The following C16orf46 variants were observed in gnomAD, a reference collection of about 807,000 sequenced individuals.
C16orf46 encodes chromosome 16 open reading frame 46, also known as uncharacterized protein C16orf46.
In C16orf46, 7 loss-of-function variants were observed where a neutral mutation model predicts 5.5. The ratio of observed to expected loss-of-function variants is 1.28; its 90% CI spans 0.73 to 2.40. The LOEUF is 2.40. C16orf46 is among the 30% of genes most tolerant of loss of function. C16orf46 has a pLI of 0.00. For missense variants in C16orf46, 614 were observed against 476.0 expected, an observed-to-expected ratio of 1.29 and a Z score of -2.70; for synonymous variants, 200 against 184.1, an observed-to-expected ratio of 1.09 and a Z score of -0.70.
At chr16:81,059,003 T>A (rs1012830709), downstream of C16orf46, among the ~76,000 whole-genome samples, 1 of 152,174 alleles carries the variant, frequency 6.6e-6, no homozygotes, top group Non-Finnish European at 1.5e-5. Context: ...CTGATTCCCA[T>A]GCATACATGC....
chr16:81,072,534 G>A (rs1406159163), intron 1 of C16orf46, among the ~76,000 whole-genome samples: 3 of 151,848 alleles, frequency 2.0e-5, no homozygotes, highest in African/African-American at 2.4e-5. Flanking sequence ...ATAGGCATGC[G>A]CCATCATGCC....
At chr16:81,076,746 A>T (rs12444137) in intron 1 of C16orf46, 11,371 of 149,754 alleles carry the variant, frequency 0.076, 486 homozygotes, top group East Asian at 0.2. Context: ...TGCAGGCCAC[A>T]CCCCTTTCTC....
In C16orf46 at chr16:81,061,190, T is replaced by G. The variant is rs747862255; in HGVS notation, c.1159A>C (p.Ile387Leu). 3 of 1,613,180 alleles carry G rather than the reference T, an allele frequency of 1.9e-6. No homozygotes were observed. The South Asian group carries it at 3.3e-5, about 18-fold the overall frequency. Residue 387 changes from isoleucine to leucine, a missense_variant, in exon 4 of 4, where the codon ATT (isoleucine) becomes CTT (leucine). Coordinates refer to ENST00000299578, the MANE Select transcript of C16orf46 (RefSeq NM_152337.3). ...AGGATCCTGTGGGTAGAGACAGGAA[T>G]GATAACTCTGCTCACTGTGAGAGAC... ...LPSLTVSRVI[I>L]PVSTHRIL
At chr16:81,062,249 TTTTA>T in intron 3 of C16orf46, 111 bp from the exon 4 acceptor site, 1 of 913,512 alleles carries the variant, frequency 1.1e-6, no homozygotes, top group Admixed American at 2.9e-5. Flanking sequence ...ATATTCTTAT[TTTTA>T]TTTATTTTTT....
chr16:81,065,463 G>C (rs1597145144), intron 2 of C16orf46, among the ~76,000 whole-genome samples: 1 of 102,788 alleles, frequency 9.7e-6, no homozygotes, highest in Admixed American at 1.4e-4. Flanking sequence ...GACAGAGTAA[G>C]AATCCGTCTC....
chr16:81,075,878 C>G (rs917898988), intron 1 of C16orf46, among the ~76,000 whole-genome samples: 1 of 152,118 alleles, frequency 6.6e-6, no homozygotes, highest in Admixed American at 6.6e-5. Context: ...TTAAGTCAAA[C>G]GCAAGCTGTT....
At chr16:81,063,096 A>G (rs1482110177) in intron 3 of C16orf46, among the ~76,000 whole-genome samples, 1 of 151,862 alleles carries the variant, frequency 6.6e-6, no homozygotes, top group African/African-American at 2.4e-5. Flanking sequence ...AAATACAAAA[A>G]TTAGCTGGGC....
chr16:81,070,367 A>C (rs1391971993), intron 1 of C16orf46, among the ~76,000 whole-genome samples: 1 of 152,220 alleles, frequency 6.6e-6, no homozygotes, highest in African/African-American at 2.4e-5. Flanking sequence ...AATTAAGTGG[A>C]GAAATCACAC....
Position 81,061,618 on chromosome 16 carries a change from T to G in C16orf46, c.731A>C (p.Glu244Ala), listed in dbSNP as rs754567961. The part of the protein sequence containing the change: ...LQSEEKVLDV[E>A]KDGCVAYAYG... The stretch of plus-strand genomic sequence containing the variant: ...TGCATAAGCCACACACCCATCCTTT[T>G]CCACATCCAGCACCTTCTCTTCTGA... Residue 244 changes from glutamate to alanine, a missense_variant, in exon 4 of 4, where the codon GAA becomes GCA. Coordinates refer to ENST00000299578, the MANE Select transcript of C16orf46 (RefSeq NM_152337.3). 4.3e-6 allele frequency: 7 copies of G among 1,614,210 alleles called. No individual in the cohort carries two copies. Among genetic ancestry groups the G allele is most frequent in the Non-Finnish European group, 5.9e-6 (7 of 1,180,040 alleles).
chr16:81,074,588 T>A (rs1292705554), intron 1 of C16orf46, among the ~76,000 whole-genome samples: 1 of 152,144 alleles, frequency 6.6e-6, no homozygotes, highest in African/African-American at 2.4e-5. Context: ...TTTCACCATG[T>A]TGGCTAGGAT....
intron 1 of C16orf46, among the ~76,000 whole-genome samples, chr16:81,072,660 A>G (rs987933085): frequency 1.3e-5 from 2 of 151,726 alleles, no homozygotes; most frequent in African/African-American, 2.4e-5. Context: ...CTGGGATTAT[A>G]GGCGTGAGCC....
rs1366025817 is a variant in C16orf46 at position 81,063,870 on chromosome 16, T to C, written c.86A>G (p.Tyr29Cys). 1.2e-6 allele frequency: 2 copies of C among 1,613,558 alleles called. No individual in the cohort carries two copies. Among genetic ancestry groups the C allele is most frequent in the Admixed American group, 1.7e-5 (1 of 60,026 alleles). ...TTCACTTTTTCCATCTGGACAAGTA[T>C]AGGTTGGTTCTGTTTCTTCTGTGAA... ...IQFTEETEPTYTCPDGKSEKN... is the reference protein window; with the variant it reads ...IQFTEETEPTCTCPDGKSEKN... The change falls in exon 3 of 4, where the codon TAT becomes TGT. Residue 29 changes from tyrosine to cysteine, a missense_variant. Coordinates refer to ENST00000299578, the MANE Select transcript of C16orf46 (RefSeq NM_152337.3).
chr16:81,061,842 A>C lies in C16orf46; in HGVS notation c.507T>G (p.Ile169Met), dbSNP rs757854301. ...EKKSLQIKEFIWCNKDWAIPG... is the reference protein window; with the variant it reads ...EKKSLQIKEFMWCNKDWAIPG... Reference sequence around the variant, plus strand: ...GGATGGCCCAGTCTTTGTTGCACCAAATAAACTCCTTGATTTGCAGACTTT... The same window carrying C: ...GGATGGCCCAGTCTTTGTTGCACCACATAAACTCCTTGATTTGCAGACTTT... The change falls in exon 4 of 4, where the codon ATT (isoleucine) becomes ATG (methionine). Residue 169 changes from isoleucine to methionine, a missense_variant. Physicochemically the swap from Ile to Met is conservative, Grantham distance 10 (BLOSUM62 1). Coordinates refer to ENST00000299578, the MANE Select transcript of C16orf46 (RefSeq NM_152337.3). 2.5e-6 allele frequency: 4 copies of C among 1,614,078 alleles called. No homozygotes were observed. The African/African-American group carries it at 5.3e-5, about 22-fold the overall frequency.
intron 1 of C16orf46, among the ~76,000 whole-genome samples, chr16:81,074,718 T>C (rs1971968742): frequency 6.6e-6 from 1 of 152,080 alleles, no homozygotes. Flanking sequence ...GAGCTTGAGG[T>C]GAACTACAAC....
chr16:81,063,760 C>G lies in C16orf46; in HGVS notation c.196G>C (p.Gly66Arg). The G allele has an allele frequency of 6.2e-7, 1 of 1,613,072 alleles. No homozygotes were observed. The highest frequency in any genetic ancestry group is 8.5e-7 in the Non-Finnish European group (1 of 1,179,202). The change falls in exon 3 of 4, where the codon GGA (glycine) becomes CGA (arginine). Residue 66 changes from glycine to arginine, a missense_variant. Gly to Arg is a moderately radical substitution (Grantham distance 125). Coordinates refer to ENST00000299578, the MANE Select transcript of C16orf46 (RefSeq NM_152337.3). ...EKAKEFIIGT[G>R]WEEAVQGWGR... ...AAGATACTCACTGCCTCTTCCCATC[C>G]AGTTCCAATAATAAACTCTTTGGCT...
intron 1 of C16orf46, among the ~76,000 whole-genome samples, chr16:81,069,623 T>C (rs1296174979): frequency 6.6e-6 from 1 of 152,222 alleles, no homozygotes; most frequent in Non-Finnish European, 1.5e-5. Context: ...TGACTGATCA[T>C]ACTGTTTTGG....
intron 1 of C16orf46, chr16:81,076,699 G>C (rs948717151): frequency 6.5e-6 from 1 of 152,814 alleles, no homozygotes; most frequent in African/African-American, 2.4e-5. Context: ...GGCGCATCAC[G>C]CTCGGCTCCA....
At chr16:81,062,583 C>T (rs1186968752) in intron 3 of C16orf46, among the ~76,000 whole-genome samples, 1 of 152,178 alleles carries the variant, frequency 6.6e-6, no homozygotes, top group African/African-American at 2.4e-5. Context: ...TCGGGCACCG[C>T]CAGTCTCTGC....
rs1971461467 is a variant in C16orf46 at position 81,061,342 on chromosome 16, T to G, written c.1007A>C (p.Lys336Thr). Reference sequence around the variant, plus strand: ...TGGCTCCTTGGCTTTGAATTTGGATTTGTAGCTTTGCACTCCCCGTTTCTG... The same window carrying G: ...TGGCTCCTTGGCTTTGAATTTGGATGTGTAGCTTTGCACTCCCCGTTTCTG... ...LLQKRGVQSY[K>T]SKFKAKEPRS... is the part of the protein sequence containing the mutation. Residue 336 changes from lysine to threonine, a missense_variant, in exon 4 of 4, where the codon AAA becomes ACA. By Grantham distance (78) the Lys-to-Thr change is moderately conservative. Transcript: ENST00000299578. 1.2e-6 allele frequency: 2 copies of G among 1,613,996 alleles called. No individual in the cohort carries two copies. Among genetic ancestry groups the G allele is most frequent in the Admixed American group, 1.7e-5 (1 of 59,984 alleles).
Sources: gnomAD v4.1 joint callset for allele counts (sites outside exome capture counted in the v4.1 genomes callset) on GRCh38, gnomAD v4.1.1 for gene constraint, MANE v1.5 for transcripts, NCBI Gene and HGNC (gene_info 2026-07-23, HGNC 2026-07-21) for gene names.